The following TBCD variants were observed in gnomAD, a reference collection of about 807,000 sequenced individuals.
The protein encoded by TBCD is tubulin folding cofactor D.
TBCD carries 105 observed loss-of-function variants against 169.3 expected under a neutral mutation model. The ratio of observed to expected loss-of-function variants is 0.62; its 90% CI spans 0.53 to 0.73. TBCD has a LOEUF of 0.73. Among genes scored for constraint, TBCD ranks in the 30% least tolerant of loss-of-function variants. The pLI is 0.00. For missense variants in TBCD, 1,444 were observed against 1,600.1 expected, an observed-to-expected ratio of 0.90 and a Z score of 1.66; for synonymous variants, 700 against 643.9, an observed-to-expected ratio of 1.09 and a Z score of -1.32.
intron 23 of TBCD, chr17:82,918,848 A>G (rs1272381652): frequency 3.9e-5 from 6 of 152,260 alleles, no homozygotes; most frequent in African/African-American, 1.4e-4. Flanking sequence ...AGTCCTCAAC[A>G]CACATCAGAG....
rs368808896 is a variant in TBCD, at chr17:82,941,402, C to T, written c.3483C>T (p.Asp1161=). 2.6e-5 allele frequency: 42 copies of T among 1,591,308 alleles called. No homozygotes were observed. Among genetic ancestry groups the T allele is most frequent in the African/African-American group, 2.3e-4 (17 of 74,816 alleles). Residue 1161 remains aspartate, a synonymous_variant, in exon 38 of 39, where the codon GAC becomes GAT. Coordinates refer to ENST00000355528, the MANE Select transcript of TBCD (RefSeq NM_005993.5). ...VVTVLSDTAW[D]AELAVVREQR... ...ACGGCTCTCCCTCTCCTCACAGGGA[C>T]GCGGAGCTTGCAGTGGTGAGAGAGC...
chr17:82,939,725 G>A (rs1456723396), intron 37 of TBCD, among the ~76,000 whole-genome samples: 1 of 152,230 alleles, frequency 6.6e-6, no homozygotes, highest in African/African-American at 2.4e-5. Flanking sequence ...TCCCACCAGG[G>A]GAGCGGGCAC....
intron 17 of TBCD, among the ~76,000 whole-genome samples, chr17:82,896,246 C>T (rs111839747): frequency 0.013 from 2,018 of 152,272 alleles, 27 homozygotes; most frequent in Middle Eastern, 0.051. Context: ...AGACTGTCCG[C>T]CTGTGGGGAC....
chr17:82,910,926 C>T lies in TBCD; in HGVS notation c.2007-832C>T, dbSNP rs540717512. Among the ~76,000 whole-genome samples, 15 of 152,264 alleles carry T rather than the reference C, an allele frequency of 9.9e-5. No individual in the cohort carries two copies. In the East Asian group the frequency reaches 2.9e-3, roughly 29 times the overall value. On this transcript the variant is annotated intron_variant, in intron 22 of 38. Coordinates refer to ENST00000355528, the MANE Select transcript of TBCD (RefSeq NM_005993.5). ...TGAACCTCGTGCTGTTCTCCTTTAC[C>T]TTCGAGGGGTGAAGCCTCCCTTTCT...
chr17:82,783,679 C>T (rs1481769744), intron 7 of TBCD, among the ~76,000 whole-genome samples: 1 of 152,196 alleles, frequency 6.6e-6, no homozygotes. Context: ...GTTGTCAGTG[C>T]CTCGTTCCCT....
chr17:82,824,748 C>T (rs573121442), intron 13 of TBCD, among the ~76,000 whole-genome samples: 3 of 152,240 alleles, frequency 2.0e-5, no homozygotes, highest in African/African-American at 7.2e-5. Flanking sequence ...GACATGGATA[C>T]AAGAACCTGT....
At chr17:82,893,938 G>A (rs750354763) in intron 17 of TBCD, among the ~76,000 whole-genome samples, 3 of 152,080 alleles carry the variant, frequency 2.0e-5, no homozygotes, top group African/African-American at 7.2e-5. Flanking sequence ...TCTCCTGGTC[G>A]CCCCGTTTTA....
intron 8 of TBCD, among the ~76,000 whole-genome samples, chr17:82,799,695 T>C (rs1439720749): frequency 3.3e-5 from 5 of 152,174 alleles, no homozygotes; most frequent in Non-Finnish European, 5.9e-5. Flanking sequence ...GGTGGGGCTC[T>C]TTATGTCCTC....
chr17:82,844,221 G>GTGTGTGTGTGTGTGTA (rs1406378538), intron 13 of TBCD, among the ~76,000 whole-genome samples: 1 of 151,050 alleles, frequency 6.6e-6, no homozygotes, highest in Non-Finnish European at 1.5e-5. Flanking sequence ...GTGTGTGTGT[G>GTGTGTGTGTGTGTGTA]TGTGTGTGTG....
Position 82,923,657 on chromosome 17 carries a change from A to G in TBCD, c.2184A>G (p.Ala728=), listed in dbSNP as rs1157648844. 6.3e-7 allele frequency: 1 copy of G among 1,576,218 alleles called. No individual in the cohort carries two copies. Reference sequence around the variant, plus strand: ...CCGTGCTGCCTTTGTTTTAGGATGCAGCAGTCTCGGCCCTGGCTGCTCTAT... The same window carrying G: ...CCGTGCTGCCTTTGTTTTAGGATGCGGCAGTCTCGGCCCTGGCTGCTCTAT... ...SSHSRQQMKD[A]AVSALAALCS... Residue 728 remains alanine (A), a synonymous_variant, in exon 26 of 39, where the codon GCA becomes GCG. Transcript: ENST00000355528. The surrounding 1 kb of genome is among the most constrained non-coding windows in gnomAD (Gnocchi z 4.6).
chr17:82,840,917 GTGGCATAGGGACGAGC>G (rs1300076330), intron 13 of TBCD, among the ~76,000 whole-genome samples: 1 of 149,406 alleles, frequency 6.7e-6, no homozygotes, highest in African/African-American at 2.5e-5. Context: ...CTGCAGGGCT[GTGGCATAGGGACGAGC>G]TGGCCAGGAC....
chr17:82,857,751 T>G lies in TBCD; in HGVS notation c.1319-12473T>G, dbSNP rs2056432308. ...CTTGCTGCTTGTGTCTCATGGTTTT[T>G]TTTTTTTTTTAATTTAATTTAATTT... On this transcript the variant is annotated intron_variant, in intron 13 of 38. Transcript: ENST00000355528. Among the ~76,000 whole-genome samples, 2 of 150,770 alleles carry G rather than the reference T, an allele frequency of 1.3e-5. 1 individual carries two copies.
At chr17:82,907,861 A>G (rs1439653288) in intron 21 of TBCD, 40 bp downstream of exon 21, 6 of 1,600,100 alleles carry the variant, frequency 3.7e-6, no homozygotes, top group Non-Finnish European at 5.1e-6. Flanking sequence ...AGGAGGCATC[A>G]CAGGACCTGC....
intron 13 of TBCD, among the ~76,000 whole-genome samples, chr17:82,846,379 C>T (rs143926466): frequency 0.014 from 2,094 of 148,398 alleles, 59 homozygotes; most frequent in African/African-American, 0.051. Context: ...TCCCATGTGC[C>T]GTGTCCTCTC....
At chr17:82,910,293 C>T (rs958153517) in intron 22 of TBCD, among the ~76,000 whole-genome samples, 1 of 152,206 alleles carries the variant, frequency 6.6e-6, no homozygotes, top group Non-Finnish European at 1.5e-5. Context: ...CGTGGGCCCT[C>T]TGGGTGAGTA....
In TBCD at chr17:82,847,777, A is replaced by G. The variant is rs115070661; in HGVS notation, c.1319-22447A>G. 7.4e-3 allele frequency among the ~76,000 whole-genome samples: 1,130 copies of G among 152,156 alleles called. 12 individuals are homozygous for G. Among genetic ancestry groups the G allele is most frequent in the African/African-American group, 0.026 (1,091 of 41,488 alleles). On this transcript the variant is annotated intron_variant, in intron 13 of 38. Coordinates refer to ENST00000355528, the MANE Select transcript of TBCD (RefSeq NM_005993.5). ...GCTGGGATCACAGTTGCGTGGTACC[A>G]CGCCTGGCTAGTATTTTGTATTTTT...
At chr17:82,936,804 G>A (rs1173475614) in intron 34 of TBCD, among the ~76,000 whole-genome samples, 4 of 152,208 alleles carry the variant, frequency 2.6e-5, no homozygotes, top group African/African-American at 7.2e-5. Context: ...TCAGCACCAA[G>A]CCTCAGCCCT....
At chr17:82,925,572 G>T (rs1032355285) in intron 27 of TBCD, among the ~76,000 whole-genome samples, 2 of 152,120 alleles carry the variant, frequency 1.3e-5, no homozygotes, top group African/African-American at 4.8e-5. Context: ...GGCGTCTGAA[G>T]CTGGAATAGG....
At chr17:82,913,568 G>C (rs932654244) in intron 23 of TBCD, 5 of 152,318 alleles carry the variant, frequency 3.3e-5, no homozygotes, top group African/African-American at 9.7e-5. Flanking sequence ...GGAGTTGAAG[G>C]CGTTCCGAGT....
Sources: gnomAD v4.1 joint callset for allele counts (sites outside exome capture counted in the v4.1 genomes callset) on GRCh38, gnomAD v4.1.1 for gene constraint, Gnocchi (gnomAD v3.1) non-coding constraint, MANE v1.5 for transcripts, NCBI Gene and HGNC (gene_info 2026-07-23, HGNC 2026-07-21) for gene names.